BRI3BP: variants seen among roughly 807,000 people sequenced by gnomAD.
BRI3BP encodes BRI3 binding protein.
Under a neutral mutation model 15.8 loss-of-function variants are expected in BRI3BP, and 7 were observed. That is an observed-to-expected ratio of 0.44 (90% CI 0.25 to 0.83). The LOEUF is 0.83. Ranked by LOEUF, BRI3BP falls within the 40% of genes least tolerant of loss-of-function variation. The pLI is 0.20. For synonymous variants in BRI3BP, 192 were observed against 163.5 expected, an observed-to-expected ratio of 1.17 and a Z score of -1.33; for missense variants, 320 against 339.3, an observed-to-expected ratio of 0.94 and a Z score of 0.45.
In BRI3BP at chr12:124,993,924, G is replaced by A; in HGVS notation, c.134G>A (p.Ser45Asn). The A allele has an allele frequency of 1.5e-6, 2 of 1,336,770 alleles. No individual in the cohort carries two copies. The highest frequency in any genetic ancestry group is 3.6e-5 in the South Asian group (2 of 54,822). The allele number at this position is 1,336,770 out of a possible 1,614,324, so 82.8% of individuals were successfully genotyped here. The change falls in exon 1 of 3, where the codon AGC (serine) becomes AAC (asparagine). Residue 45 changes from serine to asparagine, a missense_variant. Coordinates refer to ENST00000341446, the MANE Select transcript of BRI3BP (RefSeq NM_080626.6). ...GGCCGCGGCGGCGCGGAGAAGAACA[G>A]CTACCGCCGCACGGTCAACACCTTC... ...ARGRGGAEKN[S>N]YRRTVNTFSQ...
At chr12:125,008,683 T>C (rs1310664210) in intron 1 of BRI3BP, among the ~76,000 whole-genome samples, 1 of 152,174 alleles carries the variant, frequency 6.6e-6, no homozygotes, top group Non-Finnish European at 1.5e-5. Flanking sequence ...GAAGACAGTT[T>C]TTCCATGGAC....
chr12:125,031,749 C>T (rs1418905367), downstream of BRI3BP, among the ~76,000 whole-genome samples: 1 of 151,818 alleles, frequency 6.6e-6, no homozygotes, highest in African/African-American at 2.4e-5. Flanking sequence ...GGCTGGTCTC[C>T]AACTCCTGAC....
chr12:125,046,967 C>T, the BRI3BP span, among the ~76,000 whole-genome samples: 2 of 152,172 alleles, frequency 1.3e-5, no homozygotes, highest in Non-Finnish European at 2.9e-5. Context: ...AACACAGCCT[C>T]TGTTGTAAGC....
intron 1 of BRI3BP, among the ~76,000 whole-genome samples, chr12:125,000,016 C>CTTTTTTTTTTTTTTT (rs66571863): frequency 2.5e-5 from 1 of 40,690 alleles, no homozygotes; most frequent in African/African-American, 1.0e-4. Context: ...TTTGGTTTTT[C>CTTTTTTTTTTTTTTT]TTTTTTTTTT....
chr12:125,023,919 A>C (rs1356063207), intron 2 of BRI3BP, among the ~76,000 whole-genome samples: 1 of 152,134 alleles, frequency 6.6e-6, no homozygotes, highest in Non-Finnish European at 1.5e-5. Flanking sequence ...AAAAATACAA[A>C]AATCAGCTGG....
chr12:125,028,098 A>G lies in BRI3BP; in HGVS notation c.*2668A>G, dbSNP rs1278623842. The stretch of plus-strand genomic sequence containing the variant: ...GAATCTATTTTAGCACAAGGTATAA[A>G]TAACTCGGGAGGTCATCTCTATCTT... On this transcript the variant is annotated 3_prime_UTR_variant, in exon 3 of 3. Coordinates refer to ENST00000341446, the MANE Select transcript of BRI3BP (RefSeq NM_080626.6). 1 of 152,250 alleles carries G rather than the reference A, an allele frequency of 6.6e-6. No individual in the cohort carries two copies. Among genetic ancestry groups the G allele is most frequent in the African/African-American group, 2.4e-5 (1 of 41,470 alleles). The allele number at this position is 152,250 out of a possible 1,614,324, so 9.4% of individuals were successfully genotyped here. A position where few individuals can be genotyped will look rare whatever the true frequency, so the allele number is the denominator to read the frequency against.
chr12:125,025,404 A>G lies in BRI3BP; in HGVS notation c.730A>G (p.Ser244Gly). The G allele has an allele frequency of 1.2e-6, 2 of 1,604,144 alleles. No individual in the cohort carries two copies. The highest frequency in any genetic ancestry group is 2.2e-5 in the South Asian group (2 of 90,410). Residue 244 changes from serine (S) to glycine (G), a missense_variant, in exon 3 of 3, where the codon AGC becomes GGC. Physicochemically the swap from Ser to Gly is moderately conservative, Grantham distance 56 (BLOSUM62 0). Coordinates refer to ENST00000341446, the MANE Select transcript of BRI3BP (RefSeq NM_080626.6). Reference protein sequence around the residue: ...LNIRLNRVLESLDRSKDK With the variant: ...LNIRLNRVLEGLDRSKDK ...CATCCGTCTCAACCGGGTGCTCGAG[A>G]GCCTGGACCGCTCCAAGGACAAGTG...
intron 2 of BRI3BP, among the ~76,000 whole-genome samples, chr12:125,018,998 A>G (rs184556706): frequency 1.8e-4 from 27 of 152,202 alleles, no homozygotes; most frequent in African/African-American, 6.3e-4. Context: ...AGCTGGAATT[A>G]CAGGCACCCA....
At position 125,025,549 on chromosome 12, in the gene BRI3BP, C is replaced by A; in HGVS notation, c.*119C>A. On this transcript the variant is annotated 3_prime_UTR_variant, in exon 3 of 3. Coordinates refer to ENST00000341446, the MANE Select transcript of BRI3BP (RefSeq NM_080626.6). ...TAAACACGACTGAGCAAGAAAGTGG[C>A]GCTGTGTAGGGCTATTTCCACCCAC... is the stretch of plus-strand genomic sequence containing the variant. The A allele has an allele frequency of 1.8e-6, 2 of 1,091,508 alleles. No individual in the cohort carries two copies. The highest frequency in any genetic ancestry group is 2.5e-6 in the Non-Finnish European group (2 of 787,412). 67.6% of individuals were successfully genotyped at this position (1,091,508 alleles called of 1,614,324 possible). A position where few individuals can be genotyped will look rare whatever the true frequency, so the allele number is the denominator to read the frequency against.
intron 1 of BRI3BP, among the ~76,000 whole-genome samples, chr12:125,002,393 A>G (rs1025162403): frequency 6.6e-6 from 1 of 150,592 alleles, no homozygotes; most frequent in Non-Finnish European, 1.5e-5. Flanking sequence ...AATTCTAGCC[A>G]TCTTGGCAGA....
the BRI3BP span, among the ~76,000 whole-genome samples, chr12:125,045,668 C>A: frequency 2.0e-5 from 3 of 152,262 alleles, no homozygotes; most frequent in Admixed American, 2.0e-4. Context: ...GCCTCCCCAC[C>A]CTTGTGACCT....
downstream of BRI3BP, among the ~76,000 whole-genome samples, chr12:125,032,582 A>G (rs1955414083): frequency 6.6e-6 from 1 of 152,232 alleles, no homozygotes; most frequent in African/African-American, 2.4e-5. Context: ...AGCCTGGGCA[A>G]CATAGTGAGA....
chr12:125,000,353 A>G (rs12314947), intron 1 of BRI3BP, among the ~76,000 whole-genome samples: 8,367 of 127,092 alleles, frequency 0.066, 379 homozygotes, highest in Admixed American at 0.18. Flanking sequence ...TCGCTCTGCC[A>G]CCCAGGCTGG....
At chr12:125,039,658 T>C in the BRI3BP span, among the ~76,000 whole-genome samples, 2 of 151,882 alleles carry the variant, frequency 1.3e-5, no homozygotes, top group African/African-American at 4.8e-5. Flanking sequence ...AATAGGGTTT[T>C]TTTTTTAAGT....
intron 2 of BRI3BP, among the ~76,000 whole-genome samples, chr12:125,024,013 A>G (rs1487660507): frequency 1.3e-5 from 2 of 152,176 alleles, no homozygotes; most frequent in Admixed American, 6.5e-5. Flanking sequence ...AGAGGTTGCA[A>G]CGAGCCAAGA....
downstream of BRI3BP, among the ~76,000 whole-genome samples, chr12:125,032,859 C>T (rs897192731): frequency 3.3e-5 from 5 of 152,142 alleles, no homozygotes; most frequent in African/African-American, 7.2e-5. Context: ...AGTGGGTTAT[C>T]GGATGGGGAT....
downstream of BRI3BP, among the ~76,000 whole-genome samples, chr12:125,033,927 A>G (rs1955424020): frequency 6.6e-6 from 1 of 151,986 alleles, no homozygotes; most frequent in Admixed American, 6.6e-5. Context: ...ATTTTTTAGT[A>G]GAGATGGGGT....
At chr12:125,034,310 T>C (rs150318691), downstream of BRI3BP, among the ~76,000 whole-genome samples, 656 of 152,304 alleles carry the variant, frequency 4.3e-3, 5 homozygotes, top group African/African-American at 0.015. Flanking sequence ...CCTCCCAAAG[T>C]GTTGGGATTA....
chr12:125,013,062 C>T (rs1359009424), intron 2 of BRI3BP, among the ~76,000 whole-genome samples: 1 of 152,042 alleles, frequency 6.6e-6, no homozygotes, highest in African/African-American at 2.4e-5. Flanking sequence ...CCAGACTGGA[C>T]GACAGAGCAA....
Sources: allele counts gnomAD v4.1 joint callset (sites outside exome capture counted in the v4.1 genomes callset), GRCh38; gene constraint gnomAD v4.1.1; transcripts MANE v1.5; gene names NCBI Gene and HGNC (gene_info 2026-07-23, HGNC 2026-07-21).